GOLIM4: variants seen among roughly 807,000 people sequenced by gnomAD.
GOLIM4 encodes 130 kDa golgi-localized phosphoprotein.
GOLIM4 carries 71 observed loss-of-function variants against 107.4 expected under a neutral mutation model. The observed-to-expected ratio is 0.66, with a 90% CI of 0.55 to 0.81. The LOEUF (loss-of-function observed/expected upper bound fraction) is 0.81. Ranked by LOEUF, GOLIM4 falls within the 30% of genes least tolerant of loss-of-function variation. GOLIM4 has a pLI of 0.00. For missense variants in GOLIM4, 830 were observed against 826.1 expected, an observed-to-expected ratio of 1.00 and a Z score of -0.06; for synonymous variants, 327 against 294.8, an observed-to-expected ratio of 1.11 and a Z score of -1.12.
At chr3:168,022,681 A>C (rs1186466299) in intron 14 of GOLIM4, among the ~76,000 whole-genome samples, 1 of 152,212 alleles carries the variant, frequency 6.6e-6, no homozygotes, top group Admixed American at 6.5e-5. Context: ...GGCAGAGAGG[A>C]AAGTTTACAC....
In GOLIM4 at chr3:168,048,326, TG is replaced by T; in HGVS notation, c.226del (p.Gln76LysfsTer19). The T allele has an allele frequency of 6.5e-7, 1 of 1,540,594 alleles. No homozygotes were observed. Among genetic ancestry groups the T allele is most frequent in the Non-Finnish European group, 8.9e-7 (1 of 1,120,588 alleles). On this transcript the variant is annotated frameshift_variant, in exon 2 of 16. Transcript: ENST00000470487. LOFTEE classifies it high-confidence loss of function. The stretch of plus-strand genomic sequence containing the variant: ...TTTTTTATGTTCAAGTCTTTCTTTT[TG>T]CAAGGATTTCTCTAATCTTGATCTG... Reference protein sequence around the residue: ...EHRSRLEKSLQKERLEHKKAK... With the variant: ...EHRSRLEKSLXKERLEHKKAK...
intron 1 of GOLIM4, among the ~76,000 whole-genome samples, chr3:168,072,683 T>C (rs971941810): frequency 1.5e-4 from 23 of 152,302 alleles, no homozygotes; most frequent in African/African-American, 5.3e-4. Flanking sequence ...ATATTCTTTT[T>C]ATATATAATT....
chr3:168,069,207 C>T (rs1220063802), intron 1 of GOLIM4, among the ~76,000 whole-genome samples: 1 of 152,142 alleles, frequency 6.6e-6, no homozygotes, highest in Non-Finnish European at 1.5e-5. Context: ...ATTTTCTTTT[C>T]ACTAAATGAT....
In GOLIM4 at chr3:168,095,275, C is replaced by G; in HGVS notation, c.11G>C (p.Gly4Ala). 6.2e-7 allele frequency: 1 copy of G among 1,612,606 alleles called. No homozygotes were observed. The highest frequency in any genetic ancestry group is 8.5e-7 in the Non-Finnish European group (1 of 1,179,838). Reference sequence around the variant, plus strand: ...CCGCTTCTGCTTTCGGGAGCACATCCCGTTTCCCATAGTCCCGCCTGGACC... The same window carrying G: ...CCGCTTCTGCTTTCGGGAGCACATCGCGTTTCCCATAGTCCCGCCTGGACC... Reference protein sequence around the residue: MGNGMCSRKQKRIF... With the variant: MGNAMCSRKQKRIF... Residue 4 changes from glycine to alanine, a missense_variant, in exon 1 of 16, where the codon GGG (glycine) becomes GCG (alanine). Physicochemically the swap from Gly to Ala is moderately conservative, Grantham distance 60 (BLOSUM62 0). Coordinates refer to ENST00000470487, the MANE Select transcript of GOLIM4 (RefSeq NM_014498.5).
chr3:168,053,284 A>G lies in GOLIM4; in HGVS notation c.188-4919T>C, dbSNP rs189325088. Among the ~76,000 whole-genome samples, 15 of 152,360 alleles carry G rather than the reference A, an allele frequency of 9.8e-5. 1 individual carries two copies. The East Asian group carries it at 1.9e-3, about 20-fold the overall frequency. On this transcript the variant is annotated intron_variant, in intron 1 of 15. Coordinates refer to ENST00000470487, the MANE Select transcript of GOLIM4 (RefSeq NM_014498.5). ...AGCAACACTCCAAAATTAGGCAGAA[A>G]ACACTGCTAAGTGTTTTGACATCTT...
intron 1 of GOLIM4, among the ~76,000 whole-genome samples, chr3:168,057,048 G>C (rs887535937): frequency 1.3e-5 from 2 of 152,154 alleles, no homozygotes; most frequent in African/African-American, 4.8e-5. Flanking sequence ...TTGAGGGGGG[G>C]ACCCGGTGGG....
At chr3:168,084,359 A>G (rs1721518567) in intron 1 of GOLIM4, among the ~76,000 whole-genome samples, 1 of 152,188 alleles carries the variant, frequency 6.6e-6, no homozygotes, top group Non-Finnish European at 1.5e-5. Flanking sequence ...CAATGTGAGA[A>G]CAGACTAATA....
At chr3:168,016,715 A>C (rs1221557941) in intron 14 of GOLIM4, among the ~76,000 whole-genome samples, 3 of 134,856 alleles carry the variant, frequency 2.2e-5, no homozygotes, top group Non-Finnish European at 3.0e-5. Flanking sequence ...TGCAGCCATA[A>C]AAAAGTATGA....
At chr3:168,080,610 G>C (rs996074983) in intron 1 of GOLIM4, among the ~76,000 whole-genome samples, 1 of 149,828 alleles carries the variant, frequency 6.7e-6, no homozygotes, top group South Asian at 2.1e-4. Flanking sequence ...TTCAAACTTA[G>C]GTGCTTCTAT....
At position 168,010,875 on chromosome 3, in the gene GOLIM4, C is replaced by T. The variant is rs80013308; in HGVS notation, c.1861-52G>A. ...AACACTTTTGTCTTTCAAGCACTTGCGATAATATATTTTGACACTGTTATC... is the reference window on the plus strand; with the variant it reads ...AACACTTTTGTCTTTCAAGCACTTGTGATAATATATTTTGACACTGTTATC... On this transcript the variant is annotated intron_variant, in intron 14 of 15. Coordinates refer to ENST00000470487, the MANE Select transcript of GOLIM4 (RefSeq NM_014498.5). 6.8e-3 allele frequency: 7,983 copies of T among 1,181,302 alleles called. 364 individuals carry two copies. In the African/African-American group the frequency reaches 0.1, roughly 16 times the overall value. 73.2% of individuals were successfully genotyped at this position (1,181,302 alleles called of 1,614,324 possible). A position where few individuals can be genotyped will look rare whatever the true frequency, so the allele number is the denominator to read the frequency against.
At chr3:168,043,178 C>A (rs180688488) in intron 5 of GOLIM4, among the ~76,000 whole-genome samples, 3 of 152,224 alleles carry the variant, frequency 2.0e-5, no homozygotes, top group East Asian at 1.9e-4. Flanking sequence ...ACAGAACACA[C>A]GACATATTCT....
intron 1 of GOLIM4, among the ~76,000 whole-genome samples, chr3:168,064,269 T>C (rs1377917965): frequency 1.3e-5 from 2 of 152,238 alleles, no homozygotes; most frequent in African/African-American, 4.8e-5. Context: ...TTATGAGAAA[T>C]TCAGCTTCTT....
At position 168,043,482 on chromosome 3, in the gene GOLIM4, T is replaced by C. The variant is rs766607083; in HGVS notation, c.414A>G (p.Glu138=). ...LKKQHSDLEE[E]HRKQGEDFSR... ...TGAAGTCTTCCCCTTGTTTGCGATG[T>C]TCCTCTTCCAAGTCACTGTGCTGTT... The change falls in exon 5 of 16, where the codon GAA becomes GAG. Residue 138 remains glutamate, a synonymous_variant. Transcript: ENST00000470487. 9 of 1,613,638 alleles carry C rather than the reference T, an allele frequency of 5.6e-6. No individual in the cohort carries two copies. The Admixed American group carries it at 6.7e-5, about 12-fold the overall frequency.
At chr3:168,052,651 G>A (rs544143288) in intron 1 of GOLIM4, among the ~76,000 whole-genome samples, 5 of 152,096 alleles carry the variant, frequency 3.3e-5, no homozygotes, top group African/African-American at 1.2e-4. Flanking sequence ...ACACACATAC[G>A]CACTACCTTT....
intron 9 of GOLIM4, among the ~76,000 whole-genome samples, chr3:168,031,856 T>C (rs1718354161): frequency 6.6e-6 from 1 of 152,180 alleles, no homozygotes; most frequent in South Asian, 2.1e-4. Flanking sequence ...AAGAAAGGCA[T>C]CTAGCTGCAC....
intron 1 of GOLIM4, among the ~76,000 whole-genome samples, chr3:168,063,319 C>T (rs911910888): frequency 6.6e-6 from 1 of 152,224 alleles, no homozygotes; most frequent in African/African-American, 2.4e-5. Context: ...TGATATCCTA[C>T]ACTTTCTTTT....
intron 1 of GOLIM4, among the ~76,000 whole-genome samples, chr3:168,066,961 T>C (rs1440739776): frequency 6.6e-6 from 1 of 152,112 alleles, no homozygotes; most frequent in African/African-American, 2.4e-5. Context: ...TTCAAGACAG[T>C]AGGATAAACA....
At chr3:168,038,534 G>GC (rs1246841356) in intron 7 of GOLIM4, among the ~76,000 whole-genome samples, 1 of 152,066 alleles carries the variant, frequency 6.6e-6, no homozygotes, top group Non-Finnish European at 1.5e-5. Context: ...CCTTGGTTCT[G>GC]GTCATTGATT....
chr3:168,057,919 T>C (rs996326356), intron 1 of GOLIM4, among the ~76,000 whole-genome samples: 3 of 152,210 alleles, frequency 2.0e-5, no homozygotes, highest in African/African-American at 7.2e-5. Flanking sequence ...TGCCATCTTC[T>C]ATGCCCCAGC....
Sources: allele counts gnomAD v4.1 joint callset (sites outside exome capture counted in the v4.1 genomes callset), GRCh38; gene constraint gnomAD v4.1.1; transcripts MANE v1.5; gene names NCBI Gene and HGNC (gene_info 2026-07-23, HGNC 2026-07-21).